The following SWAP70 variants were observed in gnomAD, a reference collection of about 807,000 sequenced individuals.
SWAP70 encodes switching B cell complex subunit SWAP70.
SWAP70 carries 34 observed loss-of-function variants against 80.2 expected under a neutral mutation model. The observed-to-expected ratio is 0.42, with a 90% CI of 0.32 to 0.56. The LOEUF is 0.56. Among genes scored for constraint, SWAP70 ranks in the 20% least tolerant of loss-of-function variants. The pLI is 0.09. For synonymous variants in SWAP70, 239 were observed against 238.5 expected (o/e 1.00, Z -0.02); for missense variants, 578 against 690.7 (o/e 0.84, Z 1.83).
chr11:9,735,932 T>C (rs1037908487), intron 7 of SWAP70, among the ~76,000 whole-genome samples: 2 of 152,136 alleles, frequency 1.3e-5, no homozygotes, highest in African/African-American at 2.4e-5. Flanking sequence ...GCTGGATAAG[T>C]TTTCAGCCAC....
chr11:9,732,789 T>C (rs2133811029), intron 7 of SWAP70, 79 bp downstream of exon 7: 5 of 1,346,112 alleles, frequency 3.7e-6, no homozygotes, highest in East Asian at 2.5e-5. Context: ...GGGTGTTGGT[T>C]CTACCAAGAT....
intron 2 of SWAP70, among the ~76,000 whole-genome samples, chr11:9,711,991 G>A (rs1390682): frequency 6.6e-6 from 1 of 151,950 alleles, no homozygotes; most frequent in South Asian, 2.1e-4. Flanking sequence ...CTCACATTCT[G>A]TTCTACCTGG....
chr11:9,742,085 A>T (rs1029435259), intron 9 of SWAP70: 2 of 152,006 alleles, frequency 1.3e-5, no homozygotes, highest in Non-Finnish European at 2.9e-5. Flanking sequence ...AAAAAAACAC[A>T]AAACAACAAC....
At chr11:9,696,822 A>G (rs568196406) in intron 2 of SWAP70, among the ~76,000 whole-genome samples, 18 of 152,274 alleles carry the variant, frequency 1.2e-4, no homozygotes, top group African/African-American at 3.9e-4. Flanking sequence ...AATTCTTACT[A>G]TTTTTATCAT....
chr11:9,743,930 C>G lies in SWAP70; in HGVS notation c.1355+3583C>G, dbSNP rs1302904051. Among the ~76,000 whole-genome samples, 3 of 150,972 alleles carry G rather than the reference C, an allele frequency of 2.0e-5. No homozygotes were observed. The South Asian group carries it at 6.2e-4, about 31-fold the overall frequency. On this transcript the variant is annotated intron_variant, in intron 9 of 11. Transcript: ENST00000318950. The stretch of plus-strand genomic sequence containing the variant: ...TATAGTAAATTGTTTAAATGAAAGA[C>G]AAGAACTTTAGCTTGAAACACGTAG...
chr11:9,679,345 T>C (rs1238322113), intron 1 of SWAP70, among the ~76,000 whole-genome samples: 1 of 152,218 alleles, frequency 6.6e-6, no homozygotes, highest in Admixed American at 6.5e-5. Flanking sequence ...AGGTATTACA[T>C]TCCACTCTAC....
chr11:9,719,477 G>A (rs1000331441), intron 3 of SWAP70, among the ~76,000 whole-genome samples: 1 of 152,124 alleles, frequency 6.6e-6, no homozygotes, highest in Non-Finnish European at 1.5e-5. Flanking sequence ...GAACCCAGGA[G>A]GTGGAGGTTG....
Position 9,747,972 on chromosome 11 carries a change from C to T in SWAP70, c.1470C>T (p.Val490=), listed in dbSNP as rs775288425. The T allele has an allele frequency of 1.4e-5, 23 of 1,614,000 alleles. No homozygotes were observed. The Admixed American group carries it at 3.5e-4, about 25-fold the overall frequency. Residue 490 remains valine (V), a synonymous_variant, in exon 10 of 12, where the codon GTC becomes GTT. Coordinates refer to ENST00000318950, the MANE Select transcript of SWAP70 (RefSeq NM_015055.4). ...AEKQELENQR[V]LKEQALQEAM... ...AGCAGGAGTTGGAGAATCAGCGTGT[C>T]CTGAAGGAACAGGCCCTGCAGGAGG...
In SWAP70 at chr11:9,699,866, G is replaced by GTATATATATATA. The variant is rs113413903; in HGVS notation, c.240+5593_240+5604dup. Among the ~76,000 whole-genome samples the GTATATATATATA allele has an allele frequency of 2.1e-5, 3 of 144,072 alleles. No individual in the cohort carries two copies. In the East Asian group the frequency reaches 6.0e-4, roughly 29 times the overall value. 94.5% of individuals were successfully genotyped at this position (144,072 alleles called of 152,430 possible). A position where few individuals can be genotyped will look rare whatever the true frequency, so the allele number is the denominator to read the frequency against. On this transcript the variant is annotated intron_variant, in intron 2 of 11. Coordinates refer to ENST00000318950, the MANE Select transcript of SWAP70 (RefSeq NM_015055.4). ...CTGTGTCACCCAGGCTGTATAGTGT[G>GTATATATATATA]TATATATATATATATATATATATAG...
At position 9,747,989 on chromosome 11, in the gene SWAP70, T is replaced by C; in HGVS notation, c.1487T>C (p.Leu496Pro). The C allele has an allele frequency of 3.7e-6, 6 of 1,614,092 alleles. No individual in the cohort carries two copies. Among genetic ancestry groups the C allele is most frequent in the Non-Finnish European group, 5.1e-6 (6 of 1,179,968 alleles). ...ENQRVLKEQA[L>P]QEAMEQLEQL... ...CAGCGTGTCCTGAAGGAACAGGCCC[T>C]GCAGGAGGCCATGGAGCAGCTGGAG... Residue 496 changes from leucine (L) to proline (P), a missense_variant, in exon 10 of 12, where the codon CTG becomes CCG. Leu to Pro is a moderately conservative substitution (Grantham distance 98). Transcript: ENST00000318950.
intron 1 of SWAP70, among the ~76,000 whole-genome samples, chr11:9,673,385 A>G (rs2134422430): frequency 6.6e-6 from 1 of 152,304 alleles, no homozygotes; most frequent in East Asian, 1.9e-4. Flanking sequence ...ATCCTCATGG[A>G]GTTGGGGTGC....
At chr11:9,666,389 A>AT (rs1462418833) in intron 1 of SWAP70, among the ~76,000 whole-genome samples, 1 of 151,960 alleles carries the variant, frequency 6.6e-6, no homozygotes, top group African/African-American at 2.4e-5. Flanking sequence ...CCTGGCCAAT[A>AT]TTTCATTTTA....
At chr11:9,686,872 A>G (rs1363060437) in intron 1 of SWAP70, among the ~76,000 whole-genome samples, 1 of 152,108 alleles carries the variant, frequency 6.6e-6, no homozygotes, top group Non-Finnish European at 1.5e-5. Context: ...CTGTCCCCCA[A>G]ACAAATAATT....
At position 9,694,269 on chromosome 11, in the gene SWAP70, A is replaced by C. The variant is rs1239793405; in HGVS notation, c.223A>C (p.Arg75=). 1 of 1,611,378 alleles carries C rather than the reference A, an allele frequency of 6.2e-7. No homozygotes were observed. The highest frequency in any genetic ancestry group is 1.3e-5 in the African/African-American group (1 of 74,852). The change falls in exon 2 of 12, where the codon AGG becomes CGG. Residue 75 remains arginine, a synonymous_variant. Coordinates refer to ENST00000318950, the MANE Select transcript of SWAP70 (RefSeq NM_015055.4). Reference sequence around the variant, plus strand: ...CCAGGGCTACATGCCTTATTTAAACAGGTTCATTTTGGAAAAGGTATGATT... The same window carrying C: ...CCAGGGCTACATGCCTTATTTAAACCGGTTCATTTTGGAAAAGGTATGATT... ...SNQGYMPYLN[R]FILEKVQDNF... is the part of the protein sequence containing the mutation.
rs2133805024 is a variant in SWAP70, at chr11:9,724,896, T to C, written c.642+11T>C. ...GATGTGTTAAAGCAGGTAAGAATTC[T>C]GTTACTGTTTTTTTTTCTCATCTTT... is the stretch of plus-strand genomic sequence containing the variant. On this transcript the variant is annotated intron_variant, in intron 4 of 11. Coordinates refer to ENST00000318950, the MANE Select transcript of SWAP70 (RefSeq NM_015055.4). 2 of 1,508,752 alleles carry C rather than the reference T, an allele frequency of 1.3e-6. No individual in the cohort carries two copies. Among genetic ancestry groups the C allele is most frequent in the African/African-American group, 2.8e-5 (2 of 71,688 alleles). 93.5% of individuals were successfully genotyped at this position (1,508,752 alleles called of 1,614,324 possible).
chr11:9,692,693 A>T (rs1850711589), intron 1 of SWAP70, among the ~76,000 whole-genome samples: 1 of 152,116 alleles, frequency 6.6e-6, no homozygotes, highest in South Asian at 2.1e-4. Flanking sequence ...TAAGCTCTTT[A>T]TATTCTTGAA....
chr11:9,749,265 T>C (rs1028079377), intron 11 of SWAP70, 82 bp downstream of exon 11: 198 of 749,954 alleles, frequency 2.6e-4, no homozygotes, highest in Non-Finnish European at 3.3e-4. Flanking sequence ...TATTTTGAGA[T>C]GGAGTCTCGC....
intron 1 of SWAP70, among the ~76,000 whole-genome samples, chr11:9,679,920 C>T (rs1047970847): frequency 3.9e-5 from 6 of 152,164 alleles, no homozygotes; most frequent in African/African-American, 1.4e-4. Context: ...CTGCCTGCCT[C>T]AGCCTTCCAG....
At chr11:9,711,191 G>C (rs991932472) in intron 2 of SWAP70, among the ~76,000 whole-genome samples, 1 of 152,024 alleles carries the variant, frequency 6.6e-6, no homozygotes, top group African/African-American at 2.4e-5. Context: ...CATAGTGCTG[G>C]GACTACAGGA....
Sources: allele counts gnomAD v4.1 joint callset (sites outside exome capture counted in the v4.1 genomes callset), GRCh38; gene constraint gnomAD v4.1.1; transcripts MANE v1.5; gene names NCBI Gene and HGNC (gene_info 2026-07-23, HGNC 2026-07-21).